The following KCMF1 variants were observed in gnomAD, a reference collection of about 807,000 sequenced individuals.
The protein encoded by KCMF1 is potassium channel modulatory factor 1, also known as E3 ubiquitin-protein ligase KCMF1.
In KCMF1, 3 loss-of-function variants were observed where a neutral mutation model predicts 41.1. The observed-to-expected ratio is 0.07, with a 90% CI of 0.03 to 0.19. KCMF1 has a LOEUF of 0.19. KCMF1 is among the 10% of genes least tolerant of loss of function. The pLI is 1.00. For synonymous variants in KCMF1, 142 were observed against 164.5 expected (o/e 0.86, Z 1.04); for missense variants, 286 against 488.9 (o/e 0.58, Z 3.91).
chr2:85,038,214 A>G (rs1574038703), intron 3 of KCMF1, among the ~76,000 whole-genome samples: 1 of 152,264 alleles, frequency 6.6e-6, no homozygotes, highest in South Asian at 2.1e-4. Flanking sequence ...GTAATTCACA[A>G]TTATAAGTTA....
chr2:84,988,116 C>T (rs1673948317), intron 1 of KCMF1, among the ~76,000 whole-genome samples: 1 of 152,006 alleles, frequency 6.6e-6, no homozygotes, highest in Non-Finnish European at 1.5e-5. Context: ...CCTGTAATCC[C>T]AGCTACTCGG....
chr2:84,972,021 A>G (rs953489851), intron 1 of KCMF1: 4 of 152,004 alleles, frequency 2.6e-5, no homozygotes, highest in Non-Finnish European at 5.9e-5. Context: ...CGGCCAAGGG[A>G]CGGGAAGCCC....
chr2:85,000,304 T>C (rs1674296596), intron 1 of KCMF1, among the ~76,000 whole-genome samples: 1 of 152,122 alleles, frequency 6.6e-6, no homozygotes, highest in Admixed American at 6.5e-5. Flanking sequence ...TTCGTGTTTT[T>C]AGTAGAGACG....
At chr2:85,047,415 C>A (rs1332868548) in intron 5 of KCMF1, among the ~76,000 whole-genome samples, 1 of 152,098 alleles carries the variant, frequency 6.6e-6, no homozygotes, top group African/African-American at 2.4e-5. Flanking sequence ...CTTCCAGGTA[C>A]ACATTCCACC....
At chr2:85,007,976 T>G (rs1674513551) in intron 1 of KCMF1, among the ~76,000 whole-genome samples, 1 of 152,000 alleles carries the variant, frequency 6.6e-6, no homozygotes, top group Non-Finnish European at 1.5e-5. Context: ...TTGACCAGGC[T>G]GGCTTTGAAC....
rs755541595 is a variant in KCMF1 at position 85,053,184 on chromosome 2, G to A, written c.921G>A (p.Gln307=). The change falls in exon 7 of 7, where the codon CAG becomes CAA. Residue 307 remains glutamine, a synonymous_variant. Transcript: ENST00000409785. ...CTAAAATGTCTGAAACGGAGCGCCA[G>A]TCCATGGAAAGCGAGCGTGCAGACC... ...NDPKMSETER[Q]SMESERADRS... The A allele has an allele frequency of 1.2e-6, 2 of 1,613,942 alleles. No individual in the cohort carries two copies. Among genetic ancestry groups the A allele is most frequent in the East Asian group, 4.5e-5 (2 of 44,882 alleles).
intron 1 of KCMF1, among the ~76,000 whole-genome samples, chr2:84,979,124 G>A (rs1345379655): frequency 6.6e-6 from 1 of 152,184 alleles, no homozygotes; most frequent in African/African-American, 2.4e-5. Flanking sequence ...GGGATTACAG[G>A]TGTGAGCCAC....
chr2:84,990,196 G>A (rs1222015249), intron 1 of KCMF1, among the ~76,000 whole-genome samples: 1 of 152,192 alleles, frequency 6.6e-6, no homozygotes, highest in Non-Finnish European at 1.5e-5. Context: ...ATTGCAATGT[G>A]TTAAATTCTG....
intron 1 of KCMF1, among the ~76,000 whole-genome samples, chr2:85,001,274 C>A (rs1415428251): frequency 6.6e-6 from 1 of 152,024 alleles, no homozygotes; most frequent in East Asian, 1.9e-4. Context: ...TCTTCCACCT[C>A]AGCCTCCTGA....
At chr2:85,021,918 G>A (rs762023623) in intron 1 of KCMF1, among the ~76,000 whole-genome samples, 4 of 152,034 alleles carry the variant, frequency 2.6e-5, no homozygotes. Context: ...CCAGGTTCAA[G>A]CAATTCTCCT....
intron 1 of KCMF1, among the ~76,000 whole-genome samples, chr2:84,975,894 A>G (rs139865358): frequency 1.1e-4 from 17 of 152,344 alleles, no homozygotes; most frequent in African/African-American, 4.8e-5. Flanking sequence ...TTAGAGCCTA[A>G]TTGATTACCT....
intron 3 of KCMF1, among the ~76,000 whole-genome samples, chr2:85,036,916 A>G (rs1445664644): frequency 6.6e-6 from 1 of 151,578 alleles, no homozygotes. Flanking sequence ...TCCCTAGTAT[A>G]GTATTTTCAT....
At chr2:84,985,800 G>A (rs973565902) in intron 1 of KCMF1, among the ~76,000 whole-genome samples, 1 of 151,398 alleles carries the variant, frequency 6.6e-6, no homozygotes, top group African/African-American at 2.4e-5. Context: ...CTGCACTCCA[G>A]CCTGGGTGAC....
chr2:84,979,541 A>G (rs1673650140), intron 1 of KCMF1, among the ~76,000 whole-genome samples: 2 of 142,666 alleles, frequency 1.4e-5, no homozygotes, highest in Non-Finnish European at 1.6e-5. Context: ...AAAAAAAATC[A>G]CTTTATAAAT....
At chr2:84,999,017 CCCATCCATCCATCCACCCACCCAT>C (rs1674260374) in intron 1 of KCMF1, among the ~76,000 whole-genome samples, 2 of 120,572 alleles carry the variant, frequency 1.7e-5, no homozygotes, top group Non-Finnish European at 1.7e-5. Context: ...CACCCACCCA[CCCATCCATCCATCCACCCACCCAT>C]CCATCCATCC....
intron 1 of KCMF1, among the ~76,000 whole-genome samples, chr2:85,010,344 C>T (rs1335288091): frequency 2.0e-5 from 3 of 152,094 alleles, no homozygotes; most frequent in African/African-American, 7.2e-5. Context: ...TGGTGCACAC[C>T]TGTAACCCTA....
At chr2:85,032,402 G>A (rs1243017149) in intron 2 of KCMF1, among the ~76,000 whole-genome samples, 1 of 150,348 alleles carries the variant, frequency 6.7e-6, no homozygotes, top group Non-Finnish European at 1.5e-5. Flanking sequence ...TTGAGACAGA[G>A]TTTCGCTCTT....
At chr2:84,977,016 T>C (rs1173126730) in intron 1 of KCMF1, among the ~76,000 whole-genome samples, 1 of 152,106 alleles carries the variant, frequency 6.6e-6, no homozygotes, top group Admixed American at 6.5e-5. Flanking sequence ...CTCTCTCTCC[T>C]TTTTTATAAT....
intron 1 of KCMF1, among the ~76,000 whole-genome samples, chr2:85,014,585 C>T (rs1186486393): frequency 6.6e-6 from 1 of 151,028 alleles, no homozygotes; most frequent in Non-Finnish European, 1.5e-5. Context: ...AAACCAAGCT[C>T]TCTCTGCCTT....
Sources: allele counts gnomAD v4.1 joint callset (sites outside exome capture counted in the v4.1 genomes callset), GRCh38; gene constraint gnomAD v4.1.1; transcripts MANE v1.5; gene names NCBI Gene and HGNC (gene_info 2026-07-23, HGNC 2026-07-21).